FAM171A1: variants seen among roughly 807,000 people sequenced by gnomAD.
FAM171A1 encodes the protein family with sequence similarity 171 member A1, also known as protein FAM171A1.
A neutral mutation model predicts 74.9 loss-of-function variants in FAM171A1; 23 were observed. The observed-to-expected ratio is 0.31, with a 90% CI of 0.22 to 0.44. The LOEUF is 0.44. FAM171A1 is among the 20% of genes least tolerant of loss of function. The pLI, the probability that FAM171A1 is intolerant of heterozygous loss-of-function variation, is 1.00. For synonymous variants in FAM171A1, 527 were observed against 505.7 expected (o/e 1.04, Z -0.57); for missense variants, 1,162 against 1,159.2 (o/e 1.00, Z -0.03).
intron 1 of FAM171A1, among the ~76,000 whole-genome samples, chr10:15,299,640 G>A (rs554253204): frequency 6.6e-6 from 1 of 151,966 alleles, no homozygotes; most frequent in East Asian, 1.9e-4. Flanking sequence ...AAAGTGCTAC[G>A]TGGGAGCCAG....
At chr10:15,319,622 G>A (rs188247040) in intron 1 of FAM171A1, among the ~76,000 whole-genome samples, 2 of 152,126 alleles carry the variant, frequency 1.3e-5, no homozygotes, top group African/African-American at 4.8e-5. Context: ...TTGTAGAGAC[G>A]GGGTTTCACC....
chr10:15,227,022 C>A (rs548254416), intron 5 of FAM171A1, among the ~76,000 whole-genome samples: 140 of 152,288 alleles, frequency 9.2e-4, no homozygotes, highest in African/African-American at 3.2e-3. Context: ...TCTTTTTAGA[C>A]AGAGTCTCAT....
At chr10:15,239,529 T>G (rs1834337270) in intron 5 of FAM171A1, among the ~76,000 whole-genome samples, 1 of 152,084 alleles carries the variant, frequency 6.6e-6, no homozygotes, top group African/African-American at 2.4e-5. Context: ...CCTCAAACTC[T>G]TGACCTCAAG....
chr10:15,360,006 C>A (rs1835975578), intron 1 of FAM171A1, among the ~76,000 whole-genome samples: 1 of 152,222 alleles, frequency 6.6e-6, no homozygotes, highest in Non-Finnish European at 1.5e-5. Context: ...GTGATCACGG[C>A]TCACTGCAGC....
At chr10:15,288,932 C>T (rs1273862856) in intron 1 of FAM171A1, among the ~76,000 whole-genome samples, 2 of 144,874 alleles carry the variant, frequency 1.4e-5, no homozygotes, top group African/African-American at 5.2e-5. Context: ...AAGCGATTCT[C>T]CTGCCTCAGC....
chr10:15,262,641 G>A lies in FAM171A1; in HGVS notation c.419-7762C>T, dbSNP rs144031430. 3.1e-3 allele frequency among the ~76,000 whole-genome samples: 466 copies of A among 152,330 alleles called. 2 individuals carry two copies. Among genetic ancestry groups the A allele is most frequent in the Middle Eastern group, 0.024 (7 of 294 alleles). On this transcript the variant is annotated intron_variant, in intron 3 of 7. Transcript: ENST00000378116. ...AAAGACATGTGCCTGGCAAGGGGAG[G>A]TATCTCCAAGGTTCGGGAGAAGATT...
chr10:15,368,180 C>T (rs750073288), intron 1 of FAM171A1, among the ~76,000 whole-genome samples: 2 of 152,214 alleles, frequency 1.3e-5, no homozygotes, highest in Non-Finnish European at 2.9e-5. Context: ...CAACCCTTAC[C>T]GTGACAACTG....
At chr10:15,283,812 T>G (rs775793854) in intron 2 of FAM171A1, 66 bp downstream of exon 2, 3 of 1,522,878 alleles carry the variant, frequency 2.0e-6, no homozygotes, top group Non-Finnish European at 2.7e-6. Flanking sequence ...TTCAGACTCC[T>G]GGCCTTATGC....
intron 1 of FAM171A1, among the ~76,000 whole-genome samples, chr10:15,296,828 T>G (rs1588539295): frequency 6.9e-6 from 1 of 145,776 alleles, no homozygotes; most frequent in Non-Finnish European, 1.5e-5. Flanking sequence ...TGGAGACGCA[T>G]GGAAGAGAAA....
At chr10:15,310,598 A>G (rs1835348615) in intron 1 of FAM171A1, among the ~76,000 whole-genome samples, 1 of 152,014 alleles carries the variant, frequency 6.6e-6, no homozygotes, top group African/African-American at 2.4e-5. Flanking sequence ...ATGGTGGCTC[A>G]CACTTGTAAT....
chr10:15,296,390 T>C (rs773437770), intron 1 of FAM171A1, among the ~76,000 whole-genome samples: 7 of 152,356 alleles, frequency 4.6e-5, no homozygotes, highest in East Asian at 3.9e-4. Context: ...TTAATCTATA[T>C]AGAATACATC....
At chr10:15,298,884 C>T (rs1034446932) in intron 1 of FAM171A1, among the ~76,000 whole-genome samples, 1 of 152,290 alleles carries the variant, frequency 6.6e-6, no homozygotes, top group East Asian at 1.9e-4. Flanking sequence ...ATCCCCACAA[C>T]AAGCCACCCC....
At position 15,368,299 on chromosome 10, in the gene FAM171A1, G is replaced by A. The variant is rs10159810; in HGVS notation, c.97+2657C>T. On this transcript the variant is annotated intron_variant, in intron 1 of 7. Transcript: ENST00000378116. ...TATATAAAAAGCAAAGTAATGCCAA[G>A]AAATTCTGCAGATGCTAGTTTCATC... Among the ~76,000 whole-genome samples the A allele has an allele frequency of 4.7e-3, 719 of 152,244 alleles. 8 individuals are homozygous for A. Among genetic ancestry groups the A allele is most frequent in the African/African-American group, 0.016 (666 of 41,560 alleles).
At chr10:15,265,057 G>C (rs1834720755) in intron 3 of FAM171A1, among the ~76,000 whole-genome samples, 1 of 152,026 alleles carries the variant, frequency 6.6e-6, no homozygotes, top group Non-Finnish European at 1.5e-5. Context: ...ACAAAATTTT[G>C]TAATTTTAAA....
At chr10:15,326,575 A>C (rs543053049) in intron 1 of FAM171A1, among the ~76,000 whole-genome samples, 1 of 151,978 alleles carries the variant, frequency 6.6e-6, no homozygotes, top group Non-Finnish European at 1.5e-5. Flanking sequence ...CGGCCTCCCA[A>C]AGTGCTGGGA....
chr10:15,296,964 T>C (rs929461164), intron 1 of FAM171A1, among the ~76,000 whole-genome samples: 4 of 152,152 alleles, frequency 2.6e-5, no homozygotes, highest in Non-Finnish European at 5.9e-5. Context: ...CAGCTTCAGT[T>C]TGAAATAGGA....
At chr10:15,366,070 A>G (rs1257203634) in intron 1 of FAM171A1, among the ~76,000 whole-genome samples, 2 of 152,206 alleles carry the variant, frequency 1.3e-5, no homozygotes, top group Non-Finnish European at 2.9e-5. Flanking sequence ...TTTCTTTTTT[A>G]AGAAACAGTT....
rs951485531 is a variant in FAM171A1, at chr10:15,212,708, G to C, written c.*207C>G. On this transcript the variant is annotated 3_prime_UTR_variant, in exon 8 of 8. Coordinates refer to ENST00000378116, the MANE Select transcript of FAM171A1 (RefSeq NM_001010924.2). ...CCACTTTCAGCCACCTCCTTGCAGGGGCGACATCCGCCAAAGTCATCCTTT... is the reference window on the plus strand; with the variant it reads ...CCACTTTCAGCCACCTCCTTGCAGGCGCGACATCCGCCAAAGTCATCCTTT... 1 of 708,706 alleles carries C rather than the reference G, an allele frequency of 1.4e-6. No homozygotes were observed. Among genetic ancestry groups the C allele is most frequent in the Admixed American group, 3.3e-5 (1 of 30,736 alleles). The allele number at this position is 708,706 out of a possible 1,614,324, so 43.9% of individuals were successfully genotyped here. A position where few individuals can be genotyped will look rare whatever the true frequency, so the allele number is the denominator to read the frequency against.
intron 5 of FAM171A1, among the ~76,000 whole-genome samples, chr10:15,234,803 C>A (rs763470814): frequency 6.6e-6 from 1 of 151,798 alleles, no homozygotes; most frequent in African/African-American, 2.4e-5. Flanking sequence ...CAGGCACCCA[C>A]CACCACGCCC....
Sources: allele counts gnomAD v4.1 joint callset (sites outside exome capture counted in the v4.1 genomes callset), GRCh38; gene constraint gnomAD v4.1.1; transcripts MANE v1.5; gene names NCBI Gene and HGNC (gene_info 2026-07-23, HGNC 2026-07-21).